The following PRKG1 variants were observed in gnomAD, a reference collection of about 807,000 sequenced individuals.
PRKG1 encodes the protein protein kinase cGMP-dependent 1.
PRKG1 carries 35 observed loss-of-function variants against 88.1 expected under a neutral mutation model. The observed-to-expected ratio is 0.40, with a 90% confidence interval of 0.30 to 0.53. The LOEUF is 0.53. PRKG1 is among the 20% of genes least tolerant of loss of function. PRKG1 has a pLI of 0.59. For missense variants in PRKG1, 540 were observed against 839.8 expected, an observed-to-expected ratio of 0.64 and a Z score of 4.41; for synonymous variants, 303 against 292.5, an observed-to-expected ratio of 1.04 and a Z score of -0.37.
intron 1 of PRKG1, among the ~76,000 whole-genome samples, chr10:51,124,775 A>G (rs184497002): frequency 6.6e-6 from 1 of 152,300 alleles, no homozygotes; most frequent in Non-Finnish European, 1.5e-5. Flanking sequence ...AACGGGCTGA[A>G]TGAAAGACTT....
rs1838050712 is a variant in PRKG1, at chr10:51,581,945, A to G, written c.592+114109A>G. On this transcript the variant is annotated intron_variant, in intron 3 of 17. Coordinates refer to ENST00000373980, the MANE Select transcript of PRKG1 (RefSeq NM_006258.4). Reference sequence around the variant, plus strand: ...AGGAATAAGTACATTAAAAAAAAAAATGGGCTGGTCCTGCCTTTTAAATGG... The same window carrying G: ...AGGAATAAGTACATTAAAAAAAAAAGTGGGCTGGTCCTGCCTTTTAAATGG... Among the ~76,000 whole-genome samples, 3 of 151,620 alleles carry G rather than the reference A, an allele frequency of 2.0e-5. No individual in the cohort carries two copies. The South Asian group carries it at 6.2e-4, about 31-fold the overall frequency.
intron 8 of PRKG1, among the ~76,000 whole-genome samples, chr10:52,147,861 G>A (rs1226367673): frequency 6.6e-6 from 1 of 152,164 alleles, no homozygotes; most frequent in Admixed American, 6.6e-5. Flanking sequence ...CTAACAGCAA[G>A]TCTGGATGGA....
intron 2 of PRKG1, among the ~76,000 whole-genome samples, chr10:51,243,382 G>T (rs1298497750): frequency 1.3e-5 from 2 of 152,210 alleles, no homozygotes; most frequent in African/African-American, 4.8e-5. Context: ...TGTGAAGCCA[G>T]AGCAGTCAGC....
intron 2 of PRKG1, among the ~76,000 whole-genome samples, chr10:51,310,490 G>T (rs1841155936): frequency 6.6e-6 from 1 of 152,202 alleles, no homozygotes; most frequent in South Asian, 2.1e-4. Flanking sequence ...TTAGAAGGAG[G>T]AATGTGTCCT....
chr10:51,956,709 A>AC (rs1843310566), intron 5 of PRKG1, among the ~76,000 whole-genome samples: 1 of 127,234 alleles, frequency 7.9e-6, no homozygotes, highest in Non-Finnish European at 1.7e-5. Flanking sequence ...CTGATATAAA[A>AC]CTCCTCTCTC....
intron 3 of PRKG1, among the ~76,000 whole-genome samples, chr10:51,568,043 G>C (rs547602676): frequency 5.6e-4 from 85 of 152,074 alleles, no homozygotes; most frequent in African/African-American, 2.0e-3. Context: ...AATGTCAATG[G>C]CTGCTAATCT....
At chr10:51,012,077 C>A (rs1843000368) in intron 1 of PRKG1, among the ~76,000 whole-genome samples, 1 of 152,172 alleles carries the variant, frequency 6.6e-6, no homozygotes, top group Non-Finnish European at 1.5e-5. Context: ...TCAATTGCCT[C>A]CCGTGACATG....
rs1840816782 is a variant in PRKG1 at position 51,299,499 on chromosome 10, C to T, written c.478+146169C>T. The T allele has an allele frequency of 8.7e-6, 4 of 461,360 alleles. No homozygotes were observed. The Admixed American group carries it at 9.5e-5, about 11-fold the overall frequency. The allele number at this position is 461,360 out of a possible 1,614,324, so 28.6% of individuals were successfully genotyped here. On this transcript the variant is annotated intron_variant, in intron 2 of 17. Coordinates refer to ENST00000373980, the MANE Select transcript of PRKG1 (RefSeq NM_006258.4). ...GAGATTGCAGGTGTGAGCCACCATG[C>T]CCCGCCTCTTTTTGCTCATTCTTTA...
chr10:52,083,717 C>T (rs1251518833), intron 7 of PRKG1, among the ~76,000 whole-genome samples: 1 of 151,956 alleles, frequency 6.6e-6, no homozygotes, highest in Non-Finnish European at 1.5e-5. Flanking sequence ...GCTGCACATA[C>T]CTACCCTGAG....
chr10:51,608,636 G>A (rs1838826213), intron 3 of PRKG1, among the ~76,000 whole-genome samples: 1 of 152,176 alleles, frequency 6.6e-6, no homozygotes, highest in South Asian at 2.1e-4. Flanking sequence ...CAGATGGTCA[G>A]TATCTAGTGT....
At chr10:51,946,126 T>C (rs896523672) in intron 5 of PRKG1, among the ~76,000 whole-genome samples, 8 of 152,230 alleles carry the variant, frequency 5.3e-5, no homozygotes, top group South Asian at 2.1e-4. Context: ...TCTTCTCACA[T>C]AGTCCCATAT....
At chr10:52,264,230 C>T (rs982937602) in intron 10 of PRKG1, among the ~76,000 whole-genome samples, 3 of 151,960 alleles carry the variant, frequency 2.0e-5, no homozygotes, top group Admixed American at 6.6e-5. Flanking sequence ...AGTGCTTATG[C>T]ATTTATAGGG....
chr10:51,206,034 T>C (rs987964515), intron 2 of PRKG1, among the ~76,000 whole-genome samples: 10 of 152,174 alleles, frequency 6.6e-5, no homozygotes, highest in Admixed American at 6.5e-4. Context: ...ATTCAAAGTG[T>C]TTTAAACAGA....
chr10:51,226,743 A>T (rs564296578), intron 2 of PRKG1, among the ~76,000 whole-genome samples: 1 of 152,222 alleles, frequency 6.6e-6, no homozygotes, highest in African/African-American at 2.4e-5. Context: ...TAATTTTTTC[A>T]AATTATGGAT....
chr10:52,105,271 A>G (rs1220107642), intron 7 of PRKG1, among the ~76,000 whole-genome samples: 1 of 152,178 alleles, frequency 6.6e-6, no homozygotes, highest in East Asian at 1.9e-4. Flanking sequence ...CAGAAATTAT[A>G]TGATGTCTGT....
intron 3 of PRKG1, among the ~76,000 whole-genome samples, chr10:51,561,231 A>G (rs531862680): frequency 3.3e-5 from 5 of 152,024 alleles, no homozygotes; most frequent in Non-Finnish European, 7.4e-5. Flanking sequence ...GAGGGAAGCT[A>G]AGGCAAGAGA....
At chr10:52,284,393 A>T (rs745409258) in intron 14 of PRKG1, among the ~76,000 whole-genome samples, 1 of 151,954 alleles carries the variant, frequency 6.6e-6, no homozygotes, top group Non-Finnish European at 1.5e-5. Flanking sequence ...AAGAAATAAC[A>T]AGACAGAAAG....
chr10:51,722,517 A>G (rs1323017978), intron 3 of PRKG1, among the ~76,000 whole-genome samples: 1 of 152,024 alleles, frequency 6.6e-6, no homozygotes, highest in Non-Finnish European at 1.5e-5. Context: ...AAGTGTCTTT[A>G]CATGGAAAAT....
At chr10:51,702,085 G>A (rs1353716807) in intron 3 of PRKG1, among the ~76,000 whole-genome samples, 1 of 152,132 alleles carries the variant, frequency 6.6e-6, no homozygotes, top group Non-Finnish European at 1.5e-5. Context: ...AAAACATTAT[G>A]AATTTACTAT....
Sources: allele counts gnomAD v4.1 joint callset (sites outside exome capture counted in the v4.1 genomes callset), GRCh38; gene constraint gnomAD v4.1.1; transcripts MANE v1.5; gene names NCBI Gene and HGNC (gene_info 2026-07-23, HGNC 2026-07-21).